The following FBXL7 variants were observed in gnomAD, a reference collection of about 807,000 sequenced individuals.
FBXL7 encodes F-box/LRR-repeat protein 7.
In FBXL7, 12 loss-of-function variants were observed where a neutral mutation model predicts 38.3. The ratio of observed to expected loss-of-function variants is 0.31; its 90% confidence interval spans 0.20 to 0.51. The LOEUF is 0.51. Ranked by LOEUF, FBXL7 falls within the 20% of genes least tolerant of loss-of-function variation. The probability of loss-of-function intolerance (pLI) is 0.98; values close to 1 mark genes in which losing one functional copy is unlikely to be tolerated. For missense variants in FBXL7, 567 were observed against 676.4 expected, an observed-to-expected ratio of 0.84 and a Z score of 1.79; for synonymous variants, 297 against 300.9, an observed-to-expected ratio of 0.99 and a Z score of 0.13.
At chr5:15,833,850 T>C (rs989242648) in intron 2 of FBXL7, among the ~76,000 whole-genome samples, 1 of 152,190 alleles carries the variant, frequency 6.6e-6, no homozygotes, top group Admixed American at 6.5e-5. Flanking sequence ...ATTCTAAAAT[T>C]TTCGTGATGA....
rs530686553 is a variant in FBXL7, at chr5:15,799,382, A to T, written c.128-128508A>T. ...TTTTTTTTTTTTTTTTTTTTTTGAGACAGAGTTTCACATTTGTTCCCCAGG... is the reference window on the plus strand; with the variant it reads ...TTTTTTTTTTTTTTTTTTTTTTGAGTCAGAGTTTCACATTTGTTCCCCAGG... On this transcript the variant is annotated intron_variant, in intron 2 of 3. Transcript: ENST00000504595. Among the ~76,000 whole-genome samples the T allele has an allele frequency of 2.5e-3, 216 of 87,138 alleles. 1 individual carries two copies. The highest frequency in any genetic ancestry group is 0.01 in the Middle Eastern group (1 of 98). 57.2% of individuals were successfully genotyped at this position (87,138 alleles called of 152,430 possible). A position where few individuals can be genotyped will look rare whatever the true frequency, so the allele number is the denominator to read the frequency against.
intron 2 of FBXL7, among the ~76,000 whole-genome samples, chr5:15,738,493 A>C (rs1350382787): frequency 1.3e-5 from 2 of 152,130 alleles, no homozygotes; most frequent in Non-Finnish European, 2.9e-5. Flanking sequence ...TATCTACTGG[A>C]GGGTGGGAAC....
At chr5:15,598,644 T>C (rs1739699315) in intron 1 of FBXL7, among the ~76,000 whole-genome samples, 1 of 152,198 alleles carries the variant, frequency 6.6e-6, no homozygotes, top group Non-Finnish European at 1.5e-5. Flanking sequence ...ATTGAAATTG[T>C]TGACTCTCCT....
chr5:15,563,823 G>A (rs1738483475), intron 1 of FBXL7, among the ~76,000 whole-genome samples: 1 of 152,040 alleles, frequency 6.6e-6, no homozygotes, highest in African/African-American at 2.4e-5. Context: ...AAGGCTTGAT[G>A]CCTCATAAAA....
At chr5:15,505,816 C>T (rs58969117) in intron 1 of FBXL7, among the ~76,000 whole-genome samples, 5,872 of 152,170 alleles carry the variant, frequency 0.039, 142 homozygotes, top group Non-Finnish European at 0.056. Flanking sequence ...TGTGATGAAC[C>T]GAGGGACATT....
At chr5:15,684,034 A>G (rs149662737) in intron 2 of FBXL7, among the ~76,000 whole-genome samples, 26 of 152,272 alleles carry the variant, frequency 1.7e-4, no homozygotes, top group South Asian at 2.1e-4. Context: ...ATTGATTGAG[A>G]TGATTATTTA....
intron 2 of FBXL7, among the ~76,000 whole-genome samples, chr5:15,899,000 G>A (rs1741171237): frequency 6.6e-6 from 1 of 151,808 alleles, no homozygotes; most frequent in South Asian, 2.1e-4. Context: ...TGTGAGATAT[G>A]TATACACACA....
chr5:15,509,575 G>T (rs560077194), intron 1 of FBXL7, among the ~76,000 whole-genome samples: 1 of 152,272 alleles, frequency 6.6e-6, no homozygotes, highest in East Asian at 1.9e-4. Context: ...TCTAAAAGAT[G>T]TGCCTGTTTT....
intron 2 of FBXL7, among the ~76,000 whole-genome samples, chr5:15,877,908 T>C (rs1191077062): frequency 6.6e-6 from 1 of 152,192 alleles, no homozygotes; most frequent in Non-Finnish European, 1.5e-5. Context: ...TCATCTCTCA[T>C]GCCCATCCTT....
At chr5:15,540,259 G>T (rs1019640904) in intron 1 of FBXL7, among the ~76,000 whole-genome samples, 1 of 152,110 alleles carries the variant, frequency 6.6e-6, no homozygotes, top group South Asian at 2.1e-4. Context: ...ATTTGGTATT[G>T]CCCATCAGAA....
chr5:15,775,894 C>T (rs1736845657), intron 2 of FBXL7, among the ~76,000 whole-genome samples: 1 of 152,100 alleles, frequency 6.6e-6, no homozygotes, highest in South Asian at 2.1e-4. Context: ...AGCTTCTGGA[C>T]CTACAGGTAC....
At chr5:15,513,583 A>C (rs1184217901) in intron 1 of FBXL7, among the ~76,000 whole-genome samples, 5 of 152,192 alleles carry the variant, frequency 3.3e-5, no homozygotes, top group Non-Finnish European at 7.3e-5. Flanking sequence ...GTGTGTTCAG[A>C]TCAGATGGAT....
chr5:15,646,571 T>C (rs1741539693), intron 2 of FBXL7, among the ~76,000 whole-genome samples: 1 of 152,270 alleles, frequency 6.6e-6, no homozygotes, highest in African/African-American at 2.4e-5. Flanking sequence ...TCTCTTTGGC[T>C]GATCTTATTC....
intron 2 of FBXL7, among the ~76,000 whole-genome samples, chr5:15,661,881 G>A (rs1322045514): frequency 1.3e-5 from 2 of 152,160 alleles, no homozygotes; most frequent in Non-Finnish European, 2.9e-5. Context: ...TTTTATGGCT[G>A]CATAATATTC....
chr5:15,553,583 C>A (rs1738148084), intron 1 of FBXL7, among the ~76,000 whole-genome samples: 1 of 152,190 alleles, frequency 6.6e-6, no homozygotes, highest in Non-Finnish European at 1.5e-5. Flanking sequence ...ATAGCAGGCA[C>A]TCAGTAGGTC....
At chr5:15,654,760 T>C (rs1308393394) in intron 2 of FBXL7, among the ~76,000 whole-genome samples, 1 of 152,214 alleles carries the variant, frequency 6.6e-6, no homozygotes, top group East Asian at 1.9e-4. Flanking sequence ...TCTCTGTGTA[T>C]ATTGGATAAA....
intron 2 of FBXL7, among the ~76,000 whole-genome samples, chr5:15,711,173 T>A (rs1743855822): frequency 6.6e-6 from 1 of 152,216 alleles, no homozygotes; most frequent in Admixed American, 6.5e-5. Context: ...TTTTGTGAAT[T>A]GCCCAGTCTC....
chr5:15,809,500 A>G (rs1003139697), intron 2 of FBXL7, among the ~76,000 whole-genome samples: 1 of 152,200 alleles, frequency 6.6e-6, no homozygotes, highest in African/African-American at 2.4e-5. Flanking sequence ...GGGGATACGT[A>G]AGGTTTTGGC....
intron 2 of FBXL7, among the ~76,000 whole-genome samples, chr5:15,745,240 T>A (rs537498523): frequency 2.6e-5 from 4 of 152,038 alleles, no homozygotes; most frequent in Non-Finnish European, 5.9e-5. Flanking sequence ...AAAAAAGGAA[T>A]AAAATGAATG....
Sources: gnomAD v4.1 joint callset for allele counts (sites outside exome capture counted in the v4.1 genomes callset) on GRCh38, gnomAD v4.1.1 for gene constraint, MANE v1.5 for transcripts, NCBI Gene and HGNC (gene_info 2026-07-23, HGNC 2026-07-21) for gene names.